Variants in ECHDC1 observed in about 807,000 individuals in gnomAD.
The protein encoded by ECHDC1 is ethylmalonyl-CoA decarboxylase.
In ECHDC1, 29 loss-of-function variants were observed where a neutral mutation model predicts 29.7. The observed-to-expected ratio is 0.98, with a 90% CI of 0.73 to 1.33. The LOEUF (loss-of-function observed/expected upper bound fraction) is 1.33, where lower values mean the gene tolerates loss of function less well. Ranked by LOEUF, ECHDC1 falls within the 40% of genes most tolerant of loss-of-function variation. ECHDC1 has a pLI of 0.00. For synonymous variants in ECHDC1, 126 were observed against 123.1 expected (o/e 1.02, Z -0.15); for missense variants, 328 against 350.0 (o/e 0.94, Z 0.50).
chr6:127,342,335 T>C (rs183990880), intron 1 of ECHDC1: 6 of 1,542,786 alleles, frequency 3.9e-6, no homozygotes, highest in Non-Finnish European at 5.3e-6. Flanking sequence ...AACTACCCTG[T>C]TTATAATCCT....
chr6:127,292,529 TTAAA>T (rs1384599404), intron 5 of ECHDC1, among the ~76,000 whole-genome samples: 4 of 151,866 alleles, frequency 2.6e-5, no homozygotes, highest in South Asian at 2.1e-4. Flanking sequence ...TAAATATATA[TTAAA>T]TAAATATGAC....
At chr6:127,305,980 T>C (rs1781407156) in intron 5 of ECHDC1, among the ~76,000 whole-genome samples, 2 of 140,024 alleles carry the variant, frequency 1.4e-5, no homozygotes, top group South Asian at 2.2e-4. Flanking sequence ...TGGACTAAAC[T>C]CTCCAATCAA....
intron 1 of ECHDC1, among the ~76,000 whole-genome samples, chr6:127,335,260 A>C (rs2114699682): frequency 6.6e-6 from 1 of 152,098 alleles, no homozygotes; most frequent in East Asian, 1.9e-4. Context: ...AATCCCCTCA[A>C]ACACATATAT....
chr6:127,293,289 T>G (rs1780343893), intron 5 of ECHDC1, among the ~76,000 whole-genome samples: 1 of 152,174 alleles, frequency 6.6e-6, no homozygotes, highest in African/African-American at 2.4e-5. Flanking sequence ...AAAAACAGCC[T>G]TTTTGTAATG....
intron 5 of ECHDC1, among the ~76,000 whole-genome samples, chr6:127,294,332 C>T (rs912292499): frequency 2.0e-5 from 3 of 152,166 alleles, no homozygotes; most frequent in Non-Finnish European, 4.4e-5. Flanking sequence ...TTATAGAATT[C>T]GCAACAGCAT....
At chr6:127,339,645 C>T (rs1369684459) in intron 1 of ECHDC1, among the ~76,000 whole-genome samples, 1 of 151,582 alleles carries the variant, frequency 6.6e-6, no homozygotes, top group Non-Finnish European at 1.5e-5. Context: ...TAGTGGCACA[C>T]ACCTCTAATC....
chr6:127,304,917 A>T (rs923688533), intron 5 of ECHDC1, among the ~76,000 whole-genome samples: 1 of 152,206 alleles, frequency 6.6e-6, no homozygotes, highest in African/African-American at 2.4e-5. Flanking sequence ...GATATAGAAA[A>T]TAGTCTCAAA....
chr6:127,312,860 C>T (rs1290755035), intron 5 of ECHDC1, among the ~76,000 whole-genome samples: 2 of 152,126 alleles, frequency 1.3e-5, no homozygotes, highest in Non-Finnish European at 2.9e-5. Flanking sequence ...AGTATTGACA[C>T]ATGGTACAAC....
intron 5 of ECHDC1, among the ~76,000 whole-genome samples, chr6:127,302,044 C>T (rs1172285411): frequency 6.6e-6 from 1 of 152,108 alleles, no homozygotes; most frequent in African/African-American, 2.4e-5. Context: ...TAGGCAGTAC[C>T]CTCAGACATC....
At chr6:127,336,214 C>T (rs995305339) in intron 1 of ECHDC1, among the ~76,000 whole-genome samples, 22 of 151,930 alleles carry the variant, frequency 1.4e-4, no homozygotes, top group African/African-American at 4.8e-4. Flanking sequence ...GGTACTTTAC[C>T]AGTACTACAT....
intron 2 of ECHDC1, 51 bp from the exon 3 acceptor site, chr6:127,327,195 A>G (rs564848801): frequency 6.3e-7 from 1 of 1,579,584 alleles, no homozygotes; most frequent in East Asian, 2.2e-5. Context: ...TGACTGGAAA[A>G]ACAGAAATAA....
chr6:127,296,328 C>T (rs1441080699), intron 5 of ECHDC1, among the ~76,000 whole-genome samples: 1 of 151,986 alleles, frequency 6.6e-6, no homozygotes, highest in African/African-American at 2.4e-5. Context: ...AGAGTAGCTG[C>T]AACTACACGT....
intron 5 of ECHDC1, 53 bp downstream of exon 5, chr6:127,314,762 AT>A: frequency 7.1e-7 from 1 of 1,418,126 alleles, no homozygotes; most frequent in Non-Finnish European, 9.7e-7. Context: ...GCAAAAATGA[AT>A]TTGAGCAAGT....
intron 5 of ECHDC1, among the ~76,000 whole-genome samples, chr6:127,306,643 C>A (rs924464328): frequency 6.6e-6 from 1 of 152,166 alleles, no homozygotes; most frequent in African/African-American, 2.4e-5. Flanking sequence ...GATTCCCCAG[C>A]CATGCTTCCT....
intron 5 of ECHDC1, among the ~76,000 whole-genome samples, chr6:127,303,442 T>C (rs996375446): frequency 6.6e-6 from 1 of 152,166 alleles, no homozygotes; most frequent in African/African-American, 2.4e-5. Context: ...AAAGTTTTAG[T>C]GGTCTGGATA....
At chr6:127,325,049 C>CT (rs1348569922) in intron 3 of ECHDC1, among the ~76,000 whole-genome samples, 20 of 152,156 alleles carry the variant, frequency 1.3e-4, no homozygotes, top group Non-Finnish European at 2.1e-4. Flanking sequence ...CAGGCAAACA[C>CT]TATCTTCGCC....
intron 1 of ECHDC1, among the ~76,000 whole-genome samples, chr6:127,338,236 A>T (rs1414185906): frequency 6.6e-6 from 1 of 152,196 alleles, no homozygotes; most frequent in Non-Finnish European, 1.5e-5. Context: ...TGATCACCCC[A>T]TTGTTAGCGA....
rs1314064806 is a variant in ECHDC1 at position 127,330,915 on chromosome 6, T to A, written c.114A>T (p.Lys38Asn). 12 of 1,614,062 alleles carry A rather than the reference T, an allele frequency of 7.4e-6. No individual in the cohort carries two copies. The highest frequency in any genetic ancestry group is 9.3e-6 in the Non-Finnish European group (11 of 1,180,014). The change falls in exon 2 of 6, where the codon AAA (lysine) becomes AAT (asparagine). Residue 38 changes from lysine (K) to asparagine (N), a missense_variant. Physicochemically the swap from Lys to Asn is moderately conservative, Grantham distance 94 (BLOSUM62 0). Coordinates refer to ENST00000454859, the MANE Select transcript of ECHDC1 (RefSeq NM_001002030.2). ...CACCAGGAAACTGCTGAAGTGTTTTTTTCACTTCTTCCTCATAAAATCCAT... is the reference window on the plus strand; with the variant it reads ...CACCAGGAAACTGCTGAAGTGTTTTATTCACTTCTTCCTCATAAAATCCAT... ...TSHGFYEEEV[K>N]KTLQQFPGGS...
intron 3 of ECHDC1, among the ~76,000 whole-genome samples, chr6:127,320,207 G>A (rs1438797944): frequency 6.6e-6 from 1 of 151,996 alleles, no homozygotes; most frequent in Non-Finnish European, 1.5e-5. Flanking sequence ...TAGTAGAAAC[G>A]GGTTTCACCA....
Sources: allele counts gnomAD v4.1 joint callset (sites outside exome capture counted in the v4.1 genomes callset), GRCh38; gene constraint gnomAD v4.1.1; transcripts MANE v1.5; gene names NCBI Gene and HGNC (gene_info 2026-07-23, HGNC 2026-07-21).